Variants in TMEM59L observed in about 807,000 individuals in gnomAD.
TMEM59L encodes transmembrane protein 59 like.
A neutral mutation model predicts 39.6 loss-of-function variants in TMEM59L; 31 were observed. The observed-to-expected ratio is 0.78, with a 90% CI of 0.59 to 1.06. The LOEUF (loss-of-function observed/expected upper bound fraction) is 1.06. TMEM59L is among the 50% of genes least tolerant of loss of function. The pLI, the probability that TMEM59L is intolerant of heterozygous loss-of-function variation, is 0.00. For missense variants in TMEM59L, 441 were observed against 451.3 expected (o/e 0.98, Z 0.21); for synonymous variants, 219 against 202.9 (o/e 1.08, Z -0.68).
Position 18,613,863 on chromosome 19 carries a change from C to G in TMEM59L, c.172-9C>G, listed in dbSNP as rs773018643. 6.2e-6 allele frequency: 10 copies of G among 1,609,002 alleles called. No homozygotes were observed. Among genetic ancestry groups the G allele is most frequent in the Non-Finnish European group, 7.6e-6 (9 of 1,178,474 alleles). ...CATGGCCTGAGCCCCCTGTCCTCCCCTCCCCCAGGCGGGGCTGGAGGGCGC... is the reference window on the plus strand; with the variant it reads ...CATGGCCTGAGCCCCCTGTCCTCCCGTCCCCCAGGCGGGGCTGGAGGGCGC... On this transcript the variant is annotated splice_polypyrimidine_tract_variant and intron_variant, in intron 1 of 7. Transcript: ENST00000262817.
rs751519493 is a variant in TMEM59L, at chr19:18,618,386, T to G, written c.794T>G (p.Leu265Arg). Reference sequence around the variant, plus strand: ...GCCGGGCGGGGCAGGCGCTCGGGTCTGCCTCGCTGGATCCTGGCCTGCTGC... The same window carrying G: ...GCCGGGCGGGGCAGGCGCTCGGGTCGGCCTCGCTGGATCCTGGCCTGCTGC... ...FLSCMSRRSG[L>R]PRWILACCLF... Residue 265 changes from leucine to arginine, a missense_variant, in exon 7 of 8, where the codon CTG becomes CGG. Leu to Arg is a moderately radical substitution (Grantham distance 102). Transcript: ENST00000262817. The G allele has an allele frequency of 3.7e-6, 6 of 1,605,218 alleles. No individual in the cohort carries two copies. The African/African-American group carries it at 4.0e-5, about 11-fold the overall frequency.
intron 3 of TMEM59L, 96 bp from the exon 4 acceptor site, chr19:18,615,879 A>G: frequency 6.8e-7 from 1 of 1,478,010 alleles, no homozygotes; most frequent in Non-Finnish European, 9.2e-7. Flanking sequence ...AAGTGTTGGG[A>G]TTACAGGCGT....
chr19:18,620,678 T>C lies in TMEM59L; in HGVS notation c.*142T>C. 7.8e-7 allele frequency: 1 copy of C among 1,276,552 alleles called. No individual in the cohort carries two copies. Among genetic ancestry groups the C allele is most frequent in the Non-Finnish European group, 1.0e-6 (1 of 967,658 alleles). The allele number at this position is 1,276,552 out of a possible 1,614,324, so 79.1% of individuals were successfully genotyped here. ...CTTCCTCTCCTCCCAGTCCCACCCCTTGCCCCACGGAGTCCTGGGGACGCA... is the reference window on the plus strand; with the variant it reads ...CTTCCTCTCCTCCCAGTCCCACCCCCTGCCCCACGGAGTCCTGGGGACGCA... On this transcript the variant is annotated 3_prime_UTR_variant, in exon 8 of 8. Transcript: ENST00000262817.
Position 18,614,212 on chromosome 19 carries a change from G to A in TMEM59L, c.408+17G>A, listed in dbSNP as rs761093615. The A allele has an allele frequency of 3.8e-6, 6 of 1,573,438 alleles. No individual in the cohort carries two copies. Among genetic ancestry groups the A allele is most frequent in the African/African-American group, 1.3e-5 (1 of 74,396 alleles). ...GAGCAGAAGGTGGGCCTCCCACTGC[G>A]GCCTGGGGTCCCTTTTCCCAATACC... is the stretch of plus-strand genomic sequence containing the variant. On this transcript the variant is annotated intron_variant, in intron 3 of 7. Coordinates refer to ENST00000262817, the MANE Select transcript of TMEM59L (RefSeq NM_012109.3).
intron 5 of TMEM59L, chr19:18,617,382 C>T (rs1229101353): frequency 3.6e-6 from 2 of 548,398 alleles, no homozygotes; most frequent in Non-Finnish European, 3.5e-6. Context: ...CGTGGTCCAC[C>T]TCTCAGGGTT....
chr19:18,616,007 C>T lies in TMEM59L; in HGVS notation c.441C>T (p.Leu147=), dbSNP rs764122465. The T allele has an allele frequency of 1.2e-6, 2 of 1,613,992 alleles. No homozygotes were observed. Among genetic ancestry groups the T allele is most frequent in the Admixed American group, 1.7e-5 (1 of 59,998 alleles). The change falls in exon 4 of 8, where the codon CTC becomes CTT. Residue 147 remains leucine, a synonymous_variant. Transcript: ENST00000262817. ...TCCTGGAGGCTCCAAGTGGGGCCCT[C>T]TCCCTCTTGGACTTGTTTTCCACCC... ...RKVLEAPSGA[L]SLLDLFSTLC... is the part of the protein sequence containing the mutation.
chr19:18,613,787 C>T (rs900333279), intron 1 of TMEM59L, 85 bp from the exon 2 acceptor site: 81 of 1,133,132 alleles, frequency 7.1e-5, no homozygotes, highest in Non-Finnish European at 1.0e-4. Flanking sequence ...GGAAGCCTTT[C>T]CCTGCCTCTG....
Position 18,616,983 on chromosome 19 carries a change from T to C in TMEM59L, c.562-17T>C. 1 of 1,590,874 alleles carries C rather than the reference T, an allele frequency of 6.3e-7. No homozygotes were observed. Among genetic ancestry groups the C allele is most frequent in the Non-Finnish European group, 8.6e-7 (1 of 1,165,762 alleles). ...TGTTCTCACAAGCCTCTCTGTGCTG[T>C]CTTGTTCCTGGCCCAGACTCAGCCC... On this transcript the variant is annotated splice_polypyrimidine_tract_variant and intron_variant, in intron 4 of 7. Transcript: ENST00000262817.
chr19:18,618,733 C>T (rs1277971731), intron 7 of TMEM59L, among the ~76,000 whole-genome samples: 2 of 144,990 alleles, frequency 1.4e-5, no homozygotes, highest in Non-Finnish European at 3.0e-5. Context: ...CTTGCTCTGT[C>T]ACCTGGGCTG....
At position 18,620,579 on chromosome 19, in the gene TMEM59L, G is replaced by T. The variant is rs1184366789; in HGVS notation, c.*43G>T. ...CACTGCCAACTGCAGGGGGCCCCTCGGGCCTCACTTGCCCTGAGCCCAGGA... is the reference window on the plus strand; with the variant it reads ...CACTGCCAACTGCAGGGGGCCCCTCTGGCCTCACTTGCCCTGAGCCCAGGA... On this transcript the variant is annotated 3_prime_UTR_variant, in exon 8 of 8. Transcript: ENST00000262817. 3 of 1,600,488 alleles carry T rather than the reference G, an allele frequency of 1.9e-6. No individual in the cohort carries two copies. The highest frequency in any genetic ancestry group is 1.7e-6 in the Non-Finnish European group (2 of 1,173,094).
chr19:18,615,070 C>T (rs1976413382), intron 3 of TMEM59L, among the ~76,000 whole-genome samples: 1 of 152,184 alleles, frequency 6.6e-6, no homozygotes, highest in Non-Finnish European at 1.5e-5. Context: ...GCAGCCTCCG[C>T]CTCCCGGGTT....
At chr19:18,616,508 T>G (rs112286539) in intron 4 of TMEM59L, among the ~76,000 whole-genome samples, 9,667 of 152,106 alleles carry the variant, frequency 0.064, 1,054 homozygotes, top group African/African-American at 0.22. Context: ...TTCTCCTGCT[T>G]CAGCCTCCTG....
intron 5 of TMEM59L, chr19:18,617,558 C>G (rs1388602988): frequency 2.2e-6 from 1 of 458,310 alleles, no homozygotes; most frequent in Non-Finnish European, 4.4e-6. Flanking sequence ...TGGTTCATCT[C>G]TCAGAGTTCC....
chr19:18,614,267 C>T (rs1976405163), intron 3 of TMEM59L, 72 bp downstream of exon 3: 1 of 1,485,322 alleles, frequency 6.7e-7, no homozygotes. Context: ...GGGAAATCTT[C>T]ATTCACGTGC....
At chr19:18,619,803 C>CAA (rs1157288604) in intron 7 of TMEM59L, among the ~76,000 whole-genome samples, 2 of 78,998 alleles carry the variant, frequency 2.5e-5, no homozygotes, top group African/African-American at 4.8e-5. Context: ...GACTCCATCT[C>CAA]AAAAAAAAAA....
In TMEM59L at chr19:18,618,206, C is replaced by G. The variant is rs758134189; in HGVS notation, c.716C>G (p.Thr239Ser). 1.2e-5 allele frequency: 20 copies of G among 1,613,376 alleles called. No homozygotes were observed. The highest frequency in any genetic ancestry group is 1.0e-4 in the Admixed American group (6 of 59,840). ...KVRKAKIRVK[T>S]SSKAKVESEE... is the part of the protein sequence containing the mutation. ...AGGAAGGCCAAGATCCGAGTCAAGA[C>G]CAGCAGCAAGGCCAAGGTGGAGTCT... is the stretch of plus-strand genomic sequence containing the variant. The change falls in exon 6 of 8, where the codon ACC becomes AGC. Residue 239 changes from threonine (T) to serine (S), a missense_variant. Physicochemically the swap from Thr to Ser is moderately conservative, Grantham distance 58. Coordinates refer to ENST00000262817, the MANE Select transcript of TMEM59L (RefSeq NM_012109.3).
chr19:18,612,942 C>T lies in TMEM59L; in HGVS notation c.-17C>T. ...CCTGAGCTGGAGTCCCCCGCGCCCC[C>T]CGCGTTCCGCCCGGCCATGGCTGCG... is the stretch of plus-strand genomic sequence containing the variant. On this transcript the variant is annotated 5_prime_UTR_variant, in exon 1 of 8. Transcript: ENST00000262817. The surrounding 1 kb of genome is among the most constrained non-coding windows in gnomAD (Gnocchi z 6.2). 1 of 1,295,604 alleles carries T rather than the reference C, an allele frequency of 7.7e-7. No individual in the cohort carries two copies. The highest frequency in any genetic ancestry group is 9.7e-7 in the Non-Finnish European group (1 of 1,026,064). 80.3% of individuals were successfully genotyped at this position (1,295,604 alleles called of 1,614,324 possible).
At position 18,618,669 on chromosome 19, in the gene TMEM59L, GTGTGTA is replaced by G. The variant is rs1265789606; in HGVS notation, c.900+179_900+184del. 4.0e-3 allele frequency among the ~76,000 whole-genome samples: 231 copies of G among 58,334 alleles called. 1 individual carries two copies. Among genetic ancestry groups the G allele is most frequent in the South Asian group, 0.03 (57 of 1,902 alleles). 38.3% of individuals were successfully genotyped at this position (58,334 alleles called of 152,430 possible). A position where few individuals can be genotyped will look rare whatever the true frequency, so the allele number is the denominator to read the frequency against. On this transcript the variant is annotated intron_variant, in intron 7 of 7. Transcript: ENST00000262817. ...TACGTGTGTGTGTGTGTGTGTGTGT[GTGTGTA>G]TATATATATATATAATATATATATA...
At position 18,617,035 on chromosome 19, in the gene TMEM59L, G is replaced by A. The variant is rs1976435468; in HGVS notation, c.597G>A (p.Gly199=). The A allele has an allele frequency of 1.2e-6, 2 of 1,612,932 alleles. No individual in the cohort carries two copies. The highest frequency in any genetic ancestry group is 2.7e-5 in the African/African-American group (2 of 74,998). ...TAGTGGAGAGCCTCGGCTTCCAGGG[G>A]GGCCGTCTGCAGCGCGTGGAGGTGA... The part of the protein sequence containing the change: ...QPIVESLGFQ[G]GRLQRVEVTW... Residue 199 remains glycine, a synonymous_variant, in exon 5 of 8, where the codon GGG becomes GGA. Transcript: ENST00000262817.
Sources: gnomAD v4.1 joint callset for allele counts (sites outside exome capture counted in the v4.1 genomes callset) on GRCh38, gnomAD v4.1.1 for gene constraint, Gnocchi (gnomAD v3.1) non-coding constraint, MANE v1.5 for transcripts, NCBI Gene and HGNC (gene_info 2026-07-23, HGNC 2026-07-21) for gene names.